Variants in CFAP107 observed in about 807,000 individuals in gnomAD.
CFAP107 encodes cilia- and flagella-associated protein 107.
the CFAP107 span, chr1:12,759,197 C>A: frequency 8.0e-7 from 1 of 1,245,332 alleles, no homozygotes; most frequent in Non-Finnish European, 1.1e-6. Context: ...CACGGATGCC[C>A]GCTCTCTCCA....
At chr1:12,746,406 A>G in the CFAP107 span, 10 of 1,595,082 alleles carry the variant, frequency 6.3e-6, 1 homozygote, top group Middle Eastern at 6.7e-4. Flanking sequence ...CATCAAGTCA[A>G]AGAAACCTGG....
At chr1:12,750,577 G>C in the CFAP107 span, among the ~76,000 whole-genome samples, 1 of 152,186 alleles carries the variant, frequency 6.6e-6, no homozygotes, top group Non-Finnish European at 1.5e-5. Flanking sequence ...GAGCAGGTAT[G>C]GCTAGTATCA....
At chr1:12,755,362 G>A in the CFAP107 span, among the ~76,000 whole-genome samples, 2 of 151,808 alleles carry the variant, frequency 1.3e-5, no homozygotes, top group African/African-American at 4.8e-5. Flanking sequence ...CCGAGATTGC[G>A]CCACTGCACT....
the CFAP107 span, chr1:12,753,912 A>T: frequency 1.3e-5 from 2 of 151,928 alleles, no homozygotes; most frequent in Non-Finnish European, 2.9e-5. Flanking sequence ...CTTTTTTTTT[A>T]ATTAAATAAA....
the CFAP107 span, among the ~76,000 whole-genome samples, chr1:12,760,243 T>C: frequency 6.6e-6 from 1 of 152,178 alleles, no homozygotes; most frequent in South Asian, 2.1e-4. Context: ...AGACTTGGAA[T>C]GCACTTTTGT....
the CFAP107 span, chr1:12,759,501 T>C: frequency 6.2e-7 from 1 of 1,614,058 alleles, no homozygotes; most frequent in Admixed American, 1.7e-5. Flanking sequence ...CCTTTATAAT[T>C]CAGGGTATTC....
chr1:12,760,962 C>T, the CFAP107 span: 55 of 1,602,820 alleles, frequency 3.4e-5, no homozygotes, highest in Non-Finnish European at 4.5e-5. Context: ...GAGCTGCCAC[C>T]CCAGGAGCAG....
the CFAP107 span, among the ~76,000 whole-genome samples, chr1:12,760,580 C>A: frequency 6.6e-6 from 1 of 152,194 alleles, no homozygotes; most frequent in Admixed American, 6.5e-5. Context: ...ACCTTGAGAC[C>A]GCCAGGGGCT....
At chr1:12,754,376 T>C in the CFAP107 span, among the ~76,000 whole-genome samples, 1 of 152,058 alleles carries the variant, frequency 6.6e-6, no homozygotes, top group South Asian at 2.1e-4. Flanking sequence ...AAATATCAAG[T>C]GTTGGTGAGG....
the CFAP107 span, among the ~76,000 whole-genome samples, chr1:12,758,332 T>A: frequency 6.6e-6 from 1 of 152,202 alleles, no homozygotes. Context: ...AGAAAATTCC[T>A]CCTGGCCTCT....
chr1:12,762,481 C>G, the CFAP107 span: 1 of 151,864 alleles, frequency 6.6e-6, no homozygotes, highest in African/African-American at 2.4e-5. Context: ...CTGACACAGG[C>G]TAAGTCCTCT....
the CFAP107 span, chr1:12,759,285 G>C: frequency 6.2e-7 from 1 of 1,609,550 alleles, no homozygotes; most frequent in East Asian, 2.2e-5. Context: ...TATCAGTAAC[G>C]AGCCCACTGT....
the CFAP107 span, chr1:12,760,656 A>T: frequency 1.9e-6 from 2 of 1,075,724 alleles, no homozygotes; most frequent in African/African-American, 3.2e-5. Flanking sequence ...TCCCTGACAG[A>T]GCAGCCTGGG....
At chr1:12,760,250 T>C in the CFAP107 span, among the ~76,000 whole-genome samples, 1 of 152,202 alleles carries the variant, frequency 6.6e-6, no homozygotes, top group South Asian at 2.1e-4. Flanking sequence ...GAATGCACTT[T>C]TGTAGGAGAG....
the CFAP107 span, among the ~76,000 whole-genome samples, chr1:12,752,325 C>G: frequency 6.6e-6 from 1 of 152,086 alleles, no homozygotes; most frequent in Admixed American, 6.5e-5. Context: ...TGGCTCATGC[C>G]TGTAGTCCCA....
chr1:12,754,692 T>G, the CFAP107 span, among the ~76,000 whole-genome samples: 1 of 152,228 alleles, frequency 6.6e-6, no homozygotes. Flanking sequence ...GGAAGAAGAT[T>G]CTGACACATG....
At chr1:12,746,279 A>T in the CFAP107 span, 6 of 535,518 alleles carry the variant, frequency 1.1e-5, no homozygotes, top group East Asian at 3.3e-5. Context: ...TTATTCTCTG[A>T]GGTTAGCAAG....
the CFAP107 span, chr1:12,755,835 G>A: frequency 3.9e-6 from 6 of 1,540,352 alleles, no homozygotes; most frequent in Non-Finnish European, 4.5e-6. Flanking sequence ...TGGCAACTGG[G>A]ACACTCAGGC....
At chr1:12,755,326 A>G in the CFAP107 span, among the ~76,000 whole-genome samples, 1 of 151,982 alleles carries the variant, frequency 6.6e-6, no homozygotes, top group Admixed American at 6.6e-5. Flanking sequence ...AATTGCTTGA[A>G]CCCGAGAGGC....
Sources: gnomAD v4.1 joint callset for allele counts (sites outside exome capture counted in the v4.1 genomes callset) on GRCh38, gnomAD v4.1.1 for gene constraint, MANE v1.5 for transcripts, NCBI Gene and HGNC (gene_info 2026-07-23, HGNC 2026-07-21) for gene names.